The following CNTN6 variants were observed in gnomAD, a reference collection of about 807,000 sequenced individuals.
The protein encoded by CNTN6 is contactin 6, also known as contactin-6.
A neutral mutation model predicts 122.8 loss-of-function variants in CNTN6; 137 were observed. That is an observed-to-expected ratio of 1.12 (90% CI 0.97 to 1.29). The LOEUF is 1.29. CNTN6 is among the 50% of genes most tolerant of loss of function. The pLI is 0.00. For missense variants in CNTN6, 1,634 were observed against 1,223.4 expected (o/e 1.34, Z -5.01); for synonymous variants, 570 against 426.0 (o/e 1.34, Z -4.16).
At chr3:1,244,301 G>T (rs1249527933) in intron 4 of CNTN6, among the ~76,000 whole-genome samples, 1 of 152,170 alleles carries the variant, frequency 6.6e-6, no homozygotes, top group Non-Finnish European at 1.5e-5. Context: ...GAGACACGGA[G>T]GGAAGGGGTT....
intron 2 of CNTN6, among the ~76,000 whole-genome samples, chr3:1,166,169 C>G (rs1559438306): frequency 6.6e-6 from 1 of 152,142 alleles, no homozygotes; most frequent in East Asian, 1.9e-4. Flanking sequence ...AAGAGACAAG[C>G]TCTGAGGCAT....
At chr3:1,351,273 T>C (rs1169188769) in intron 11 of CNTN6, among the ~76,000 whole-genome samples, 1 of 152,006 alleles carries the variant, frequency 6.6e-6, no homozygotes, top group African/African-American at 2.4e-5. Context: ...ACGATATGTT[T>C]GCAATGCAGC....
At chr3:1,288,359 C>T (rs1049554091) in intron 5 of CNTN6, among the ~76,000 whole-genome samples, 30 of 152,148 alleles carry the variant, frequency 2.0e-4, no homozygotes, top group African/African-American at 7.0e-4. Flanking sequence ...TTCTGGATTA[C>T]ATCGTAAACT....
chr3:1,269,246 G>A lies in CNTN6; in HGVS notation c.359-9167G>A, dbSNP rs533298417. 4.6e-5 allele frequency among the ~76,000 whole-genome samples: 7 copies of A among 152,200 alleles called. No individual in the cohort carries two copies. In the South Asian group the frequency reaches 1.0e-3, roughly 23 times the overall value. ...CTAAATCAATAGCTAGTGCATGCAC[G>A]GCCAAGCTAGCATTTGAATATAGAT... On this transcript the variant is annotated intron_variant, in intron 4 of 22. Transcript: ENST00000446702.
chr3:1,284,656 A>G (rs1694041037), intron 5 of CNTN6, among the ~76,000 whole-genome samples: 1 of 152,246 alleles, frequency 6.6e-6, no homozygotes, highest in Non-Finnish European at 1.5e-5. Flanking sequence ...AGAAATATAA[A>G]GCATGACAGG....
At chr3:1,174,611 G>A (rs1415835314) in intron 2 of CNTN6, among the ~76,000 whole-genome samples, 1 of 152,122 alleles carries the variant, frequency 6.6e-6, no homozygotes, top group Non-Finnish European at 1.5e-5. Context: ...TACAAAGTAT[G>A]ATTAGTAACT....
intron 1 of CNTN6, among the ~76,000 whole-genome samples, chr3:1,098,756 GCACACA>G (rs57847953): frequency 2.2e-4 from 20 of 89,100 alleles, no homozygotes; most frequent in Admixed American, 4.2e-4. Flanking sequence ...TGGCAGTAAT[GCACACA>G]CACACACACA....
chr3:1,369,439 G>A (rs1476304853), intron 12 of CNTN6, among the ~76,000 whole-genome samples: 3 of 148,954 alleles, frequency 2.0e-5, no homozygotes, highest in Non-Finnish European at 3.0e-5. Context: ...ACTTAGCATA[G>A]GATTGGACAT....
At chr3:1,179,155 C>T (rs914443426) in intron 2 of CNTN6, among the ~76,000 whole-genome samples, 1 of 152,048 alleles carries the variant, frequency 6.6e-6, no homozygotes, top group Non-Finnish European at 1.5e-5. Context: ...TCGTTTTAAA[C>T]AACCAAATCT....
At chr3:1,235,236 C>T (rs1292763691) in intron 4 of CNTN6, among the ~76,000 whole-genome samples, 1 of 152,128 alleles carries the variant, frequency 6.6e-6, no homozygotes, top group Non-Finnish European at 1.5e-5. Flanking sequence ...GGGATCCATT[C>T]TATCAAAACT....
chr3:1,104,445 C>T (rs181165739), intron 1 of CNTN6, among the ~76,000 whole-genome samples: 33 of 152,062 alleles, frequency 2.2e-4, no homozygotes. Context: ...AATCACAGAC[C>T]CAACTCTTTC....
chr3:1,094,119 A>G (rs142821674), intron 1 of CNTN6, among the ~76,000 whole-genome samples: 9 of 152,340 alleles, frequency 5.9e-5, no homozygotes, highest in African/African-American at 2.2e-4. Context: ...GTAAAAGAAG[A>G]AGCATATGCT....
chr3:1,333,431 C>T (rs1197434601), intron 11 of CNTN6, among the ~76,000 whole-genome samples: 2 of 151,968 alleles, frequency 1.3e-5, no homozygotes. Flanking sequence ...CTTCTACCAT[C>T]TCATACCTCT....
intron 5 of CNTN6, among the ~76,000 whole-genome samples, chr3:1,290,108 G>A (rs1695088958): frequency 6.6e-6 from 1 of 152,194 alleles, no homozygotes; most frequent in South Asian, 2.1e-4. Context: ...GTCTGAGGGT[G>A]GAGCCCAGCG....
At chr3:1,350,273 C>G (rs879768015) in intron 11 of CNTN6, among the ~76,000 whole-genome samples, 1 of 151,640 alleles carries the variant, frequency 6.6e-6, no homozygotes, top group Non-Finnish European at 1.5e-5. Context: ...CATGGAATAT[C>G]TTTAGGGCAT....
chr3:1,176,590 G>A (rs940070538), intron 2 of CNTN6, among the ~76,000 whole-genome samples: 1 of 152,102 alleles, frequency 6.6e-6, no homozygotes, highest in Admixed American at 6.6e-5. Flanking sequence ...TTTCAGGTGA[G>A]GGAAAAATTT....
chr3:1,266,910 C>T (rs957453883), intron 4 of CNTN6, among the ~76,000 whole-genome samples: 1 of 151,110 alleles, frequency 6.6e-6, no homozygotes, highest in Non-Finnish European at 1.5e-5. Flanking sequence ...TCTGGCCAGA[C>T]TCCCTCAGAC....
chr3:1,388,907 A>G (rs957403269), intron 20 of CNTN6, among the ~76,000 whole-genome samples: 4 of 137,330 alleles, frequency 2.9e-5, no homozygotes, highest in Admixed American at 2.9e-4. Flanking sequence ...GAAATATGGG[A>G]CTATGTGAAA....
intron 4 of CNTN6, among the ~76,000 whole-genome samples, chr3:1,231,171 C>T (rs187924951): frequency 1.3e-5 from 2 of 152,298 alleles, no homozygotes; most frequent in East Asian, 3.9e-4. Context: ...TCAGGCTCTG[C>T]TTCTAAGGAA....
Sources: gnomAD v4.1 joint callset for allele counts (sites outside exome capture counted in the v4.1 genomes callset) on GRCh38, gnomAD v4.1.1 for gene constraint, MANE v1.5 for transcripts, NCBI Gene and HGNC (gene_info 2026-07-23, HGNC 2026-07-21) for gene names.